The following DAG1 variants were observed in gnomAD, a reference collection of about 807,000 sequenced individuals.
The protein encoded by DAG1 is dystroglycan 1 (dystrophin-associated glycoprotein 1).
Under a neutral mutation model 46.1 loss-of-function variants are expected in DAG1, and 8 were observed. The ratio of observed to expected loss-of-function variants is 0.17; its 90% CI spans 0.10 to 0.31. The LOEUF is 0.31. DAG1 is among the 10% of genes least tolerant of loss of function. DAG1 has a pLI of 1.00. For missense variants in DAG1, 1,003 were observed against 1,189.9 expected (o/e 0.84, Z 2.31); for synonymous variants, 495 against 481.8 (o/e 1.03, Z -0.36).
rs1436459316 is a variant in DAG1 at position 49,532,256 on chromosome 3, A to G, written c.1745A>G (p.Lys582Arg). Residue 582 changes from lysine to arginine, a missense_variant, in exon 3 of 3, where the codon AAG (lysine) becomes AGG (arginine). By Grantham distance (26) the Lys-to-Arg change is conservative. Transcript: ENST00000308775. This position sits in a 1 kb window ranked among gnomAD's most constrained non-coding sequence, Gnocchi z 5.4. ...KHEYFMHATD[K>R]GGLSAVDAFE... is the part of the protein sequence containing the mutation. ...GAGTATTTCATGCATGCCACAGACA[A>G]GGGGGGCCTGTCGGCTGTGGATGCC... is the stretch of plus-strand genomic sequence containing the variant. 3 of 1,613,820 alleles carry G rather than the reference A, an allele frequency of 1.9e-6. No individual in the cohort carries two copies. In the Admixed American group the frequency reaches 5.0e-5, roughly 27 times the overall value.
intron 1 of DAG1, among the ~76,000 whole-genome samples, chr3:49,475,321 A>G (rs2106834590): frequency 6.7e-6 from 1 of 149,418 alleles, no homozygotes; most frequent in East Asian, 2.0e-4. Flanking sequence ...TCAGGCTGGT[A>G]TCAAACTCCC....
At chr3:49,506,105 G>GAGT (rs1205577645) in intron 1 of DAG1, among the ~76,000 whole-genome samples, 3 of 150,582 alleles carry the variant, frequency 2.0e-5, no homozygotes, top group African/African-American at 7.4e-5. Flanking sequence ...TCAGCCTCCT[G>GAGT]AGTAGCTAGG....
At chr3:49,489,015 A>T (rs938241888) in intron 1 of DAG1, among the ~76,000 whole-genome samples, 1 of 152,100 alleles carries the variant, frequency 6.6e-6, no homozygotes. Context: ...CAGTCTGCTC[A>T]CCTGAGGACC....
intron 1 of DAG1, among the ~76,000 whole-genome samples, chr3:49,471,844 G>C (rs995394343): frequency 7.2e-5 from 11 of 152,164 alleles, no homozygotes; most frequent in African/African-American, 2.2e-4. Flanking sequence ...TTCAGTTTAG[G>C]GGGCAGTGGG....
intron 1 of DAG1, among the ~76,000 whole-genome samples, chr3:49,508,556 G>A (rs1424220251): frequency 1.3e-5 from 2 of 152,064 alleles, no homozygotes; most frequent in East Asian, 1.9e-4. Context: ...GCACCACCAC[G>A]CCTGGCTAAT....
chr3:49,524,149 C>T (rs2051107903), intron 2 of DAG1, among the ~76,000 whole-genome samples: 1 of 152,188 alleles, frequency 6.6e-6, no homozygotes, highest in Non-Finnish European at 1.5e-5. Flanking sequence ...GCTTTATCCC[C>T]TAGCACCTCC....
At position 49,510,724 on chromosome 3, in the gene DAG1, G is replaced by A; in HGVS notation, c.190G>A (p.Val64Met). 1.9e-6 allele frequency: 3 copies of A among 1,614,214 alleles called. No individual in the cohort carries two copies. Among genetic ancestry groups the A allele is most frequent in the South Asian group, 1.1e-5 (1 of 91,084 alleles). ...AGACCTCCACGAGGCTGTTCCCACAGTGGTTGGCATTCCTGATGGCACGGC... is the reference window on the plus strand; with the variant it reads ...AGACCTCCACGAGGCTGTTCCCACAATGGTTGGCATTCCTGATGGCACGGC... ...LSDLHEAVPT[V>M]VGIPDGTAVV... The change falls in exon 2 of 3, where the codon GTG becomes ATG. Residue 64 changes from valine to methionine, a missense_variant. By Grantham distance (21) the Val-to-Met change is conservative. This residue lies in a region of DAG1 where 196 missense variants were observed against 239.1 expected (regional missense o/e 0.82). Transcript: ENST00000308775.
intron 2 of DAG1, among the ~76,000 whole-genome samples, chr3:49,525,850 G>A (rs918688364): frequency 1.3e-5 from 2 of 148,214 alleles, no homozygotes; most frequent in Non-Finnish European, 3.0e-5. Flanking sequence ...GAGCCACCGC[G>A]CTCGGCCTTT....
intron 2 of DAG1, among the ~76,000 whole-genome samples, chr3:49,523,593 C>T (rs1272058913): frequency 6.6e-6 from 1 of 152,142 alleles, no homozygotes; most frequent in Non-Finnish European, 1.5e-5. Flanking sequence ...ACCTTAGATG[C>T]TTTGAGCTTC....
intron 1 of DAG1, among the ~76,000 whole-genome samples, chr3:49,501,857 C>G (rs1384108001): frequency 6.6e-6 from 1 of 150,936 alleles, no homozygotes; most frequent in Non-Finnish European, 1.5e-5. Context: ...AAGGAAAAGG[C>G]CAGTAAAGAA....
At chr3:49,488,966 CA>C (rs1400202406) in intron 1 of DAG1, among the ~76,000 whole-genome samples, 1 of 152,158 alleles carries the variant, frequency 6.6e-6, no homozygotes, top group Non-Finnish European at 1.5e-5. Flanking sequence ...TAGAGATATA[CA>C]TTCAATGTGT....
chr3:49,520,598 C>G (rs941705062), intron 2 of DAG1, among the ~76,000 whole-genome samples: 2 of 152,198 alleles, frequency 1.3e-5, no homozygotes, highest in Non-Finnish European at 2.9e-5. Flanking sequence ...GGGCAGCAGT[C>G]TGTATCACTT....
chr3:49,530,869 C>G lies in DAG1; in HGVS notation c.358C>G (p.Leu120Val). 3 of 1,614,176 alleles carry G rather than the reference C, an allele frequency of 1.9e-6. No homozygotes were observed. Among genetic ancestry groups the G allele is most frequent in the Non-Finnish European group, 2.5e-6 (3 of 1,180,030 alleles). ...WDSQSHTLEG[L>V]PLDTDKGVHY... is the part of the protein sequence containing the mutation. ...CTCACAGAGCCACACCCTGGAGGGC[C>G]TCCCCCTTGACACTGATAAGGGTGT... Residue 120 changes from leucine (L) to valine (V), a missense_variant, in exon 3 of 3, where the codon CTC becomes GTC. By Grantham distance (32) the Leu-to-Val change is conservative. Transcript: ENST00000308775.
intron 2 of DAG1, among the ~76,000 whole-genome samples, chr3:49,520,055 A>G (rs944195447): frequency 3.9e-5 from 6 of 152,218 alleles, no homozygotes; most frequent in African/African-American, 1.4e-4. Flanking sequence ...AGCAGGACCA[A>G]TGATGATCCC....
At chr3:49,503,609 A>G (rs1170230615) in intron 1 of DAG1, among the ~76,000 whole-genome samples, 1 of 152,082 alleles carries the variant, frequency 6.6e-6, no homozygotes, top group East Asian at 1.9e-4. Flanking sequence ...AGGTGGGTGG[A>G]TTGCTTTAGC....
upstream of DAG1, among the ~76,000 whole-genome samples, chr3:49,469,673 G>C (rs2049454926): frequency 6.6e-6 from 1 of 152,198 alleles, no homozygotes; most frequent in African/African-American, 2.4e-5. Context: ...CTAGCTTCCC[G>C]CTCCTCCTGT....
Position 49,532,866 on chromosome 3 carries a change from T to G in DAG1, c.2355T>G (p.Leu785=). ...YRKKRKGKLT[L]EDQATFIKKG... ...AGAAGCGGAAGGGCAAGCTTACCCT[T>G]GAGGACCAGGCCACCTTCATCAAGA... The change falls in exon 3 of 3, where the codon CTT becomes CTG. Residue 785 remains leucine, a synonymous_variant. Transcript: ENST00000308775. This position sits in a 1 kb window ranked among gnomAD's most constrained non-coding sequence, Gnocchi z 5.4. 1 of 1,614,116 alleles carries G rather than the reference T, an allele frequency of 6.2e-7. No individual in the cohort carries two copies.
chr3:49,479,665 T>G, intron 1 of DAG1, among the ~76,000 whole-genome samples: 2 of 102,204 alleles, frequency 2.0e-5, no homozygotes, highest in Admixed American at 1.5e-4. Flanking sequence ...TGAGACCGAG[T>G]CTCCCTCTGT....
chr3:49,503,837 AAAAG>A (rs1373769518), intron 1 of DAG1, among the ~76,000 whole-genome samples: 47 of 152,114 alleles, frequency 3.1e-4, no homozygotes, highest in Non-Finnish European at 4.4e-5. Flanking sequence ...CAAAAAAAAA[AAAAG>A]AAAAAAGAAA....
Sources: allele counts gnomAD v4.1 joint callset (sites outside exome capture counted in the v4.1 genomes callset), GRCh38; gene constraint gnomAD v4.1.1; regional missense constraint gnomAD v4.1.1; non-coding constraint Gnocchi (gnomAD v3.1); transcripts MANE v1.5; gene names NCBI Gene and HGNC (gene_info 2026-07-23, HGNC 2026-07-21).